The following KCNK10 variants were observed in gnomAD, a reference collection of about 807,000 sequenced individuals.
KCNK10 encodes potassium channel subfamily K member 10.
In KCNK10, 25 loss-of-function variants were observed where a neutral mutation model predicts 47.7. The observed-to-expected ratio is 0.52, with a 90% confidence interval of 0.38 to 0.73. KCNK10 has a LOEUF of 0.73. KCNK10 is among the 30% of genes least tolerant of loss of function. KCNK10 has a pLI of 0.00. For missense variants in KCNK10, 563 were observed against 714.5 expected (o/e 0.79, Z 2.42); for synonymous variants, 303 against 285.6 (o/e 1.06, Z -0.61).
intron 1 of KCNK10, among the ~76,000 whole-genome samples, chr14:88,321,044 A>C (rs1315797788): frequency 6.6e-6 from 1 of 152,242 alleles, no homozygotes; most frequent in East Asian, 1.9e-4. Context: ...CAGAGGTTTC[A>C]AATAGAGACA....
intron 1 of KCNK10, among the ~76,000 whole-genome samples, chr14:88,290,052 A>T (rs887437962): frequency 2.0e-5 from 3 of 152,244 alleles, no homozygotes; most frequent in African/African-American, 7.2e-5. Context: ...GGTCCCCCAA[A>T]GATGTCCATG....
Position 88,269,819 on chromosome 14 carries a change from C to T in KCNK10, c.53-6268G>A, listed in dbSNP as rs530178220. 1.6e-3 allele frequency among the ~76,000 whole-genome samples: 237 copies of T among 152,258 alleles called. 1 individual carries two copies. The highest frequency in any genetic ancestry group is 1.3e-3 in the Non-Finnish European group (87 of 68,010). On this transcript the variant is annotated intron_variant, in intron 1 of 6. Coordinates refer to ENST00000319231, the MANE Select transcript of KCNK10 (RefSeq NM_138317.3). ...CCCCCATTGATAGATGAGGAAACTACGGGCCAGAGAGGGGACACTGAGCAA... is the reference window on the plus strand; with the variant it reads ...CCCCCATTGATAGATGAGGAAACTATGGGCCAGAGAGGGGACACTGAGCAA...
intron 4 of KCNK10, among the ~76,000 whole-genome samples, chr14:88,203,185 C>A (rs2139841404): frequency 6.6e-6 from 1 of 152,254 alleles, no homozygotes; most frequent in African/African-American, 2.4e-5. Flanking sequence ...ATCCAGGGGC[C>A]ACCGCCCTGT....
At chr14:88,301,248 T>G (rs1032507117) in intron 1 of KCNK10, among the ~76,000 whole-genome samples, 1 of 152,208 alleles carries the variant, frequency 6.6e-6, no homozygotes, top group African/African-American at 2.4e-5. Flanking sequence ...ACAATAAATG[T>G]TAGTTATCAC....
At chr14:88,321,291 C>T (rs1486304580) in intron 1 of KCNK10, among the ~76,000 whole-genome samples, 10 of 152,200 alleles carry the variant, frequency 6.6e-5, no homozygotes, top group Non-Finnish European at 8.8e-5. Flanking sequence ...GTCATGTCCT[C>T]AGGGAAGCCT....
chr14:88,246,555 C>T (rs904904436), intron 2 of KCNK10, among the ~76,000 whole-genome samples: 8 of 152,222 alleles, frequency 5.3e-5, no homozygotes, highest in Non-Finnish European at 8.8e-5. Context: ...TATTCCACAG[C>T]CACACAAGTG....
intron 3 of KCNK10, among the ~76,000 whole-genome samples, chr14:88,234,653 C>CCA (rs1253530472): frequency 6.6e-6 from 1 of 152,170 alleles, no homozygotes; most frequent in East Asian, 1.9e-4. Flanking sequence ...GGAATTTCCC[C>CCA]CACCAGGAGG....
At chr14:88,236,207 C>G (rs1415574011) in intron 3 of KCNK10, among the ~76,000 whole-genome samples, 1 of 151,988 alleles carries the variant, frequency 6.6e-6, no homozygotes, top group Non-Finnish European at 1.5e-5. Flanking sequence ...GTCCCAGCTA[C>G]TCAGGAGGCT....
chr14:88,291,220 C>T (rs1048924415), intron 1 of KCNK10, among the ~76,000 whole-genome samples: 28 of 152,166 alleles, frequency 1.8e-4, no homozygotes, highest in African/African-American at 6.8e-4. Flanking sequence ...TTGAGCACCC[C>T]GCCCCTCGTT....
intron 4 of KCNK10, among the ~76,000 whole-genome samples, chr14:88,203,418 G>A (rs971542098): frequency 6.6e-6 from 1 of 152,170 alleles, no homozygotes; most frequent in Non-Finnish European, 1.5e-5. Context: ...GCTACTCCTG[G>A]AGGTCAGGGC....
intron 3 of KCNK10, among the ~76,000 whole-genome samples, chr14:88,231,585 G>A (rs963605956): frequency 6.6e-6 from 1 of 152,346 alleles, no homozygotes; most frequent in East Asian, 1.9e-4. Context: ...ACATAGAAGT[G>A]AGCATCATTC....
At chr14:88,203,877 C>T (rs1036674587) in intron 4 of KCNK10, among the ~76,000 whole-genome samples, 18 of 152,134 alleles carry the variant, frequency 1.2e-4, no homozygotes, top group Admixed American at 1.0e-3. Flanking sequence ...CAACCCCTGC[C>T]AGTACCCGAG....
At chr14:88,291,135 G>A (rs2139780862) in intron 1 of KCNK10, among the ~76,000 whole-genome samples, 1 of 152,324 alleles carries the variant, frequency 6.6e-6, no homozygotes, top group Non-Finnish European at 1.5e-5. Context: ...TAAATAGTGG[G>A]AAACTCCTGG....
intron 3 of KCNK10, among the ~76,000 whole-genome samples, 191 bp from the exon 4 acceptor site, chr14:88,227,726 G>C (rs868743922): frequency 5.3e-4 from 81 of 152,108 alleles, no homozygotes; most frequent in African/African-American, 1.9e-3. Flanking sequence ...CCTTATAAAC[G>C]GTTTTAAGGT....
chr14:88,201,002 G>A (rs1228193538), intron 4 of KCNK10, among the ~76,000 whole-genome samples: 3 of 152,190 alleles, frequency 2.0e-5, no homozygotes, highest in African/African-American at 4.8e-5. Flanking sequence ...TTCCCTCTTC[G>A]TAGTAAAGGG....
chr14:88,302,721 A>AAAAT (rs985924683), intron 1 of KCNK10, among the ~76,000 whole-genome samples: 6 of 152,104 alleles, frequency 3.9e-5, no homozygotes, highest in African/African-American at 1.4e-4. Flanking sequence ...AATAAATAAA[A>AAAAT]AAATAAATAA....
At chr14:88,266,109 T>G (rs564818587) in intron 1 of KCNK10, among the ~76,000 whole-genome samples, 1 of 152,268 alleles carries the variant, frequency 6.6e-6, no homozygotes, top group African/African-American at 2.4e-5. Context: ...TGTCTACCCC[T>G]CACCTCTGCA....
rs773235671 is a variant in KCNK10 at position 88,188,047 on chromosome 14, C to A, written c.931G>T (p.Val311Phe). Residue 311 changes from valine to phenylalanine, a missense_variant, in exon 6 of 7, where the codon GTT becomes TTT. Transcript: ENST00000319231. ...ACAGCTGCAAAGTAGGCAAGGCCAA[C>A]AAGGATCCAAAACCACACTAGGGGC... is the stretch of plus-strand genomic sequence containing the variant. ...YKPLVWFWIL[V>F]GLAYFAAVLS... 1.2e-6 allele frequency: 2 copies of A among 1,614,198 alleles called. No homozygotes were observed. Among genetic ancestry groups the A allele is most frequent in the Non-Finnish European group, 1.7e-6 (2 of 1,180,034 alleles).
At chr14:88,267,359 TTTTC>T (rs1887288890) in intron 1 of KCNK10, among the ~76,000 whole-genome samples, 1 of 150,510 alleles carries the variant, frequency 6.6e-6, no homozygotes, top group Non-Finnish European at 1.5e-5. Flanking sequence ...GGATAAATTC[TTTTC>T]TTTTTCTTTT....
Sources: gnomAD v4.1 joint callset for allele counts (sites outside exome capture counted in the v4.1 genomes callset) on GRCh38, gnomAD v4.1.1 for gene constraint, MANE v1.5 for transcripts, NCBI Gene and HGNC (gene_info 2026-07-23, HGNC 2026-07-21) for gene names.